WSCD1: variants seen among roughly 807,000 people sequenced by gnomAD.
WSCD1 encodes the protein sialate:O-sulfotransferase 1.
In WSCD1, 41 loss-of-function variants were observed where a neutral mutation model predicts 60.4. The ratio of observed to expected loss-of-function variants is 0.68; its 90% CI spans 0.53 to 0.88. WSCD1 has a LOEUF of 0.88. Ranked by LOEUF, WSCD1 falls within the 40% of genes least tolerant of loss-of-function variation. WSCD1 has a pLI of 0.00. For synonymous variants in WSCD1, 361 were observed against 332.5 expected (o/e 1.09, Z -0.93); for missense variants, 784 against 796.2 (o/e 0.98, Z 0.18).
At chr17:6,091,815 A>G (rs1006175964) in intron 4 of WSCD1, among the ~76,000 whole-genome samples, 3 of 152,180 alleles carry the variant, frequency 2.0e-5, no homozygotes, top group Non-Finnish European at 4.4e-5. Context: ...ACAGGGCTCC[A>G]GGAGAGCTGA....
At chr17:6,079,184 C>G (rs530341176) in intron 1 of WSCD1, among the ~76,000 whole-genome samples, 1 of 152,328 alleles carries the variant, frequency 6.6e-6, no homozygotes, top group African/African-American at 2.4e-5. Flanking sequence ...GAATGCCAGC[C>G]CAAACATTGT....
At position 6,090,557 on chromosome 17, in the gene WSCD1, G is replaced by A. The variant is rs771025577; in HGVS notation, c.727+52G>A. ...TTTGTCCGTCTGTCCCACCCGCTCT[G>A]GCTGCCCATCCCCCACAACCTCTCA... is the stretch of plus-strand genomic sequence containing the variant. On this transcript the variant is annotated intron_variant, in intron 4 of 8. Transcript: ENST00000317744. 24 of 1,588,778 alleles carry A rather than the reference G, an allele frequency of 1.5e-5. No individual in the cohort carries two copies. In the South Asian group the frequency reaches 2.7e-4, roughly 18 times the overall value.
chr17:6,113,040 A>C (rs1293111217), intron 7 of WSCD1, among the ~76,000 whole-genome samples: 1 of 152,244 alleles, frequency 6.6e-6, no homozygotes, highest in Non-Finnish European at 1.5e-5. Flanking sequence ...TACTGACTTA[A>C]AAATATGTTA....
Position 6,120,819 on chromosome 17 carries a change from A to G in WSCD1, c.*158A>G. ...TCCCGCACAAGGAGACCTGGACACA[A>G]CAGACACACATCACAAGGCGAACAC... On this transcript the variant is annotated 3_prime_UTR_variant, in exon 9 of 9. Coordinates refer to ENST00000317744, the MANE Select transcript of WSCD1 (RefSeq NM_015253.2). 1.4e-6 allele frequency: 1 copy of G among 720,954 alleles called. No individual in the cohort carries two copies. Among genetic ancestry groups the G allele is most frequent in the Non-Finnish European group, 2.2e-6 (1 of 447,054 alleles). The allele number at this position is 720,954 out of a possible 1,614,324, so 44.7% of individuals were successfully genotyped here. A position where few individuals can be genotyped will look rare whatever the true frequency, so the allele number is the denominator to read the frequency against.
rs1909955630 is a variant in WSCD1 at position 6,090,422 on chromosome 17, A to G, written c.644A>G (p.Lys215Arg). Residue 215 changes from lysine to arginine, a missense_variant, in exon 4 of 9, where the codon AAA (lysine) becomes AGA (arginine). Lys to Arg is a conservative substitution (Grantham distance 26, BLOSUM62 2). Transcript: ENST00000317744. ...VGLEECNHEC[K>R]GEKGSVCGAV... ...CTGGAAGAGTGTAACCATGAGTGCA[A>G]AGGCGAGAAGGGCTCTGTGTGCGGG... 1 of 1,612,618 alleles carries G rather than the reference A, an allele frequency of 6.2e-7. No homozygotes were observed. The highest frequency in any genetic ancestry group is 1.1e-5 in the South Asian group (1 of 90,858).
chr17:6,116,874 C>G (rs377261416), intron 7 of WSCD1, among the ~76,000 whole-genome samples: 18 of 152,168 alleles, frequency 1.2e-4, no homozygotes, highest in African/African-American at 4.1e-4. Flanking sequence ...TGAGCACTTA[C>G]GGAACATGTC....
chr17:6,120,255 G>T, intron 8 of WSCD1, 54 bp from the exon 9 acceptor site: 1 of 1,569,674 alleles, frequency 6.4e-7, no homozygotes, highest in Non-Finnish European at 8.7e-7. Context: ...CCGGGGACCG[G>T]CAGCCCTGGC....
At chr17:6,116,422 G>A (rs976431724) in intron 7 of WSCD1, among the ~76,000 whole-genome samples, 18 of 149,218 alleles carry the variant, frequency 1.2e-4, no homozygotes, top group African/African-American at 3.7e-4. Flanking sequence ...ACACACACAC[G>A]CACAATTCAC....
chr17:6,088,696 GCACACA>G (rs66881392), intron 3 of WSCD1, among the ~76,000 whole-genome samples: 2 of 150,146 alleles, frequency 1.3e-5, no homozygotes, highest in South Asian at 2.1e-4. Flanking sequence ...TGTGTGTGCT[GCACACA>G]CACACACACA....
At chr17:6,113,992 A>G (rs1234686457) in intron 7 of WSCD1, among the ~76,000 whole-genome samples, 1 of 152,126 alleles carries the variant, frequency 6.6e-6, no homozygotes, top group Non-Finnish European at 1.5e-5. Flanking sequence ...ACTGCTGGGT[A>G]TATATTCAAG....
At chr17:6,084,694 C>A (rs1021326909) in intron 2 of WSCD1, 1 of 152,160 alleles carries the variant, frequency 6.6e-6, no homozygotes, top group African/African-American at 2.4e-5. Flanking sequence ...TCTTCAAAGC[C>A]GTCGTTACTA....
chr17:6,105,555 G>A (rs998392275), intron 5 of WSCD1, among the ~76,000 whole-genome samples: 3 of 152,160 alleles, frequency 2.0e-5, no homozygotes, highest in Admixed American at 6.5e-5. Flanking sequence ...TGTGTTTTCA[G>A]AATCCAGTGA....
chr17:6,077,219 G>T, intron 1 of WSCD1, among the ~76,000 whole-genome samples: 1 of 151,794 alleles, frequency 6.6e-6, no homozygotes, highest in Non-Finnish European at 1.5e-5. Flanking sequence ...CTCCTGAGTA[G>T]CTGGGATTAC....
intron 1 of WSCD1, among the ~76,000 whole-genome samples, chr17:6,074,016 G>T (rs768636111): frequency 2.6e-5 from 4 of 152,206 alleles, no homozygotes; most frequent in African/African-American, 4.8e-5. Flanking sequence ...TTGTTCATCT[G>T]ATCATTCATC....
At chr17:6,085,983 G>A (rs1909612135) in intron 2 of WSCD1, among the ~76,000 whole-genome samples, 1 of 152,122 alleles carries the variant, frequency 6.6e-6, no homozygotes, top group African/African-American at 2.4e-5. Context: ...GTGGCCATGT[G>A]TGCTGATGGG....
Position 6,090,325 on chromosome 17 carries a change from T to C in WSCD1, c.547T>C (p.Tyr183His). 2.5e-6 allele frequency: 4 copies of C among 1,594,642 alleles called. No individual in the cohort carries two copies. Among genetic ancestry groups the C allele is most frequent in the Non-Finnish European group, 3.4e-6 (4 of 1,171,752 alleles). The change falls in exon 4 of 9, where the codon TAT becomes CAT. Residue 183 changes from tyrosine (Y) to histidine (H), a missense_variant. Transcript: ENST00000317744. ...HCQDACAERSYVYAGLEAGAE... is the reference protein window; with the variant it reads ...HCQDACAERSHVYAGLEAGAE... ...ACCCAGGCCTCCTCCCTGCAGGTCC[T>C]ATGTCTACGCCGGCTTGGAGGCCGG... is the stretch of plus-strand genomic sequence containing the variant.
intron 7 of WSCD1, 144 bp downstream of exon 7, chr17:6,111,079 TGCC>T: frequency 1.3e-6 from 1 of 778,240 alleles, no homozygotes; most frequent in Non-Finnish European, 1.7e-6. Flanking sequence ...AGCCACTGTG[TGCC>T]ATACTCACCC....
chr17:6,122,247 A>G lies in WSCD1; in HGVS notation c.*1586A>G, dbSNP rs1356477798. On this transcript the variant is annotated 3_prime_UTR_variant, in exon 9 of 9. Coordinates refer to ENST00000317744, the MANE Select transcript of WSCD1 (RefSeq NM_015253.2). The stretch of plus-strand genomic sequence containing the variant: ...AGGCCGGGGGTGGAAGGCCCAGTAG[A>G]GCTGCCCTTCCCCAGATGGAAGCTT... 5 of 152,206 alleles carry G rather than the reference A, an allele frequency of 3.3e-5. No individual in the cohort carries two copies. Among genetic ancestry groups the G allele is most frequent in the African/African-American group, 7.2e-5 (3 of 41,438 alleles). The allele number at this position is 152,206 out of a possible 1,614,324, so 9.4% of individuals were successfully genotyped here. A position where few individuals can be genotyped will look rare whatever the true frequency, so the allele number is the denominator to read the frequency against.
chr17:6,073,911 GT>G (rs1338012413), intron 1 of WSCD1, among the ~76,000 whole-genome samples: 1 of 152,240 alleles, frequency 6.6e-6, no homozygotes, highest in Non-Finnish European at 1.5e-5. Context: ...ATTTGTTCAA[GT>G]TAATTGGCCT....
Sources: allele counts gnomAD v4.1 joint callset (sites outside exome capture counted in the v4.1 genomes callset), GRCh38; gene constraint gnomAD v4.1.1; transcripts MANE v1.5; gene names NCBI Gene and HGNC (gene_info 2026-07-23, HGNC 2026-07-21).